Variants in GSE1 observed in about 807,000 individuals in gnomAD.
The protein encoded by GSE1 is Gse1 coiled-coil protein, also known as genetic suppressor element 1.
Under a neutral mutation model 112.6 loss-of-function variants are expected in GSE1, and 32 were observed. That is an observed-to-expected ratio of 0.28 (90% CI 0.21 to 0.38). The LOEUF (loss-of-function observed/expected upper bound fraction) is 0.38. Ranked by LOEUF, GSE1 falls within the 10% of genes least tolerant of loss-of-function variation. GSE1 has a pLI of 1.00. For missense variants in GSE1, 2,348 were observed against 1,699.2 expected, an observed-to-expected ratio of 1.38 and a Z score of -6.71; for synonymous variants, 1,115 against 735.6, an observed-to-expected ratio of 1.52 and a Z score of -8.35.
chr16:85,449,001 G>A (rs1160370091), intron 2 of GSE1, among the ~76,000 whole-genome samples: 1 of 152,192 alleles, frequency 6.6e-6, no homozygotes, highest in Non-Finnish European at 1.5e-5. Context: ...ACTCGCCTGA[G>A]CAGGAGGCCT....
In GSE1 at chr16:85,373,645, C is replaced by T. The variant is rs190764143; in HGVS notation, c.2464+16002C>T. On this transcript the variant is annotated intron_variant, in intron 2 of 2. Transcript: ENST00000637419. The surrounding 1 kb of genome is among the most constrained non-coding windows in gnomAD (Gnocchi z 5.1). ...GGGAGGGCCACAGGTATGCTGGCCA[C>T]GGCCTGGAAGAGTCCGCTCAGAGCA... 3.0e-3 allele frequency among the ~76,000 whole-genome samples: 455 copies of T among 152,248 alleles called. No individual in the cohort carries two copies. Among genetic ancestry groups the T allele is most frequent in the South Asian group, 5.2e-3 (25 of 4,818 alleles).
chr16:85,190,844 G>A (rs567591379), intron 1 of GSE1, among the ~76,000 whole-genome samples: 24 of 152,362 alleles, frequency 1.6e-4, no homozygotes, highest in African/African-American at 5.5e-4. Context: ...ACTCACCAGG[G>A]TGGGGCTGAT....
intron 1 of GSE1, among the ~76,000 whole-genome samples, chr16:85,288,296 T>C (rs1390165846): frequency 6.6e-6 from 1 of 152,076 alleles, no homozygotes; most frequent in African/African-American, 2.4e-5. Flanking sequence ...CACTTTGACA[T>C]TTAAAAAATA....
intron 10 of GSE1, 102 bp downstream of exon 10, chr16:85,663,195 C>T (rs2052573769): frequency 7.9e-7 from 1 of 1,262,120 alleles, no homozygotes; most frequent in African/African-American, 1.5e-5. Flanking sequence ...CCTCCGAAGT[C>T]CTGGCGGGTT....
At chr16:85,559,375 C>T (rs1260549917) in intron 1 of GSE1, among the ~76,000 whole-genome samples, 1 of 152,218 alleles carries the variant, frequency 6.6e-6, no homozygotes, top group African/African-American at 2.4e-5. Context: ...ATAAGGGGGT[C>T]CAGGTGCAGC....
rs1307395792 is a variant in GSE1, at chr16:85,661,460, C to T, written c.1955C>T (p.Pro652Leu). 12 of 1,611,472 alleles carry T rather than the reference C, an allele frequency of 7.4e-6. No individual in the cohort carries two copies. The highest frequency in any genetic ancestry group is 5.3e-5 in the African/African-American group (4 of 74,924). ...EPAPLDKYQP[P>L]PPPPREGGSL... Reference sequence around the variant, plus strand: ...GCCCCTCTGGACAAGTACCAGCCACCTCCGCCGCCACCACGAGAGGGAGGG... The same window carrying T: ...GCCCCTCTGGACAAGTACCAGCCACTTCCGCCGCCACCACGAGAGGGAGGG... The change falls in exon 9 of 16, where the codon CCT (proline) becomes CTT (leucine). Residue 652 changes from proline (P) to leucine (L), a missense_variant. Transcript: ENST00000253458.
rs374299106 is a variant in GSE1, at chr16:85,334,761, C to A, written c.2284-22702C>A. 3.3e-5 allele frequency among the ~76,000 whole-genome samples: 5 copies of A among 152,336 alleles called. No individual in the cohort carries two copies. In the East Asian group the frequency reaches 7.7e-4, roughly 24 times the overall value. ...GAATGTGCCACCCCAAAATATACTT[C>A]ATCAGCGTATTCACTGCCGGTTATT... is the stretch of plus-strand genomic sequence containing the variant. On this transcript the variant is annotated intron_variant, in intron 1 of 2. Transcript: ENST00000637419.
intron 2 of GSE1, among the ~76,000 whole-genome samples, chr16:85,499,935 C>T (rs1164139465): frequency 2.6e-5 from 4 of 152,186 alleles, no homozygotes; most frequent in South Asian, 2.1e-4. Flanking sequence ...CCCATGGAGA[C>T]GTTTCTTCAT....
At position 85,484,958 on chromosome 16, in the gene GSE1, G is replaced by A. The variant is rs570082892; in HGVS notation, c.2464+127315G>A. Among the ~76,000 whole-genome samples, 4 of 152,280 alleles carry A rather than the reference G, an allele frequency of 2.6e-5. No homozygotes were observed. In the South Asian group the frequency reaches 6.2e-4, roughly 24 times the overall value. On this transcript the variant is annotated intron_variant, in intron 2 of 2. Transcript: ENST00000637419. ...ACCCCGAATCTAGCCTGAGGAACCT[G>A]CCTGCTCAGCCCTCATTCAGCCTTG...
At chr16:85,520,391 T>C (rs1199841049) in intron 2 of GSE1, among the ~76,000 whole-genome samples, 2 of 151,670 alleles carry the variant, frequency 1.3e-5, no homozygotes, top group African/African-American at 2.4e-5. Context: ...AGAGAAGACA[T>C]GCAGGGTCTT....
intron 1 of GSE1, among the ~76,000 whole-genome samples, chr16:85,287,451 C>T (rs999617113): frequency 6.6e-6 from 1 of 152,152 alleles, no homozygotes; most frequent in African/African-American, 2.4e-5. Context: ...CACACCCCCG[C>T]CTCTGGCTTC....
chr16:85,218,948 C>T (rs542563112), intron 1 of GSE1, among the ~76,000 whole-genome samples: 2 of 152,206 alleles, frequency 1.3e-5, no homozygotes, highest in African/African-American at 4.8e-5. Context: ...GGTGTGATAT[C>T]GGCTCACTGC....
chr16:85,521,850 A>AGG (rs937024548), intron 2 of GSE1, among the ~76,000 whole-genome samples: 11 of 152,192 alleles, frequency 7.2e-5, no homozygotes, highest in African/African-American at 2.7e-4. Flanking sequence ...GGGGTCGTGG[A>AGG]GGGTTCCCAC....
At chr16:85,643,075 C>T (rs2151830315) in intron 2 of GSE1, among the ~76,000 whole-genome samples, 1 of 152,282 alleles carries the variant, frequency 6.6e-6, no homozygotes, top group East Asian at 1.9e-4. Flanking sequence ...GCGCTGCGGT[C>T]CTGTTTTTGC....
chr16:85,384,428 T>G (rs1762647501), intron 2 of GSE1, among the ~76,000 whole-genome samples: 1 of 152,220 alleles, frequency 6.6e-6, no homozygotes, highest in African/African-American at 2.4e-5. Flanking sequence ...CTCTCTGAGC[T>G]TTTATTTCCA....
intron 2 of GSE1, among the ~76,000 whole-genome samples, chr16:85,359,789 C>G (rs1170590493): frequency 6.6e-6 from 1 of 152,150 alleles, no homozygotes; most frequent in Admixed American, 6.5e-5. Flanking sequence ...CCTCGGCACA[C>G]CAGGCTGCTT....
intron 1 of GSE1, among the ~76,000 whole-genome samples, chr16:85,205,249 A>C (rs2075095299): frequency 6.6e-6 from 1 of 151,938 alleles, no homozygotes; most frequent in Non-Finnish European, 1.5e-5. Flanking sequence ...CTCCTGCCTC[A>C]ACCTCCCGAG....
chr16:85,587,036 A>G (rs1016944245), intron 1 of GSE1, among the ~76,000 whole-genome samples: 1 of 152,186 alleles, frequency 6.6e-6, no homozygotes, highest in Non-Finnish European at 1.5e-5. Context: ...TCTAAGATGC[A>G]GAATTGTGTG....
intron 2 of GSE1, among the ~76,000 whole-genome samples, chr16:85,436,285 T>A (rs1223711437): frequency 6.6e-6 from 1 of 152,154 alleles, no homozygotes; most frequent in Non-Finnish European, 1.5e-5. Flanking sequence ...CAAGCCAGCT[T>A]TTCTTATTCC....
Sources: gnomAD v4.1 joint callset for allele counts (sites outside exome capture counted in the v4.1 genomes callset) on GRCh38, gnomAD v4.1.1 for gene constraint, Gnocchi (gnomAD v3.1) non-coding constraint, MANE v1.5 for transcripts, NCBI Gene and HGNC (gene_info 2026-07-23, HGNC 2026-07-21) for gene names.